ARHGEF3: variants seen among roughly 807,000 people sequenced by gnomAD.
ARHGEF3 encodes 59.8 kDA protein.
A neutral mutation model predicts 63.2 loss-of-function variants in ARHGEF3; 28 were observed. The ratio of observed to expected loss-of-function variants is 0.44; its 90% confidence interval spans 0.33 to 0.61. The LOEUF (loss-of-function observed/expected upper bound fraction) is 0.61. Among genes scored for constraint, ARHGEF3 ranks in the 20% least tolerant of loss-of-function variants. The pLI is 0.03. For synonymous variants in ARHGEF3, 266 were observed against 254.2 expected, an observed-to-expected ratio of 1.05 and a Z score of -0.44; for missense variants, 533 against 659.3, an observed-to-expected ratio of 0.81 and a Z score of 2.10.
At chr3:56,944,568 C>CTTTTTTTTTTT (rs1205155655) in intron 3 of ARHGEF3, among the ~76,000 whole-genome samples, 36 of 65,832 alleles carry the variant, frequency 5.5e-4, no homozygotes, top group East Asian at 1.9e-3. Flanking sequence ...AAAGTGGTTT[C>CTTTTTTTTTTT]TTTTTTTTTT....
chr3:57,019,489 C>T lies in ARHGEF3; in HGVS notation c.62+15599G>A, dbSNP rs116314084. Among the ~76,000 whole-genome samples the T allele has an allele frequency of 8.4e-3, 1,285 of 152,204 alleles. 12 individuals are homozygous for T. The highest frequency in any genetic ancestry group is 0.013 in the Non-Finnish European group (890 of 68,004). ...AAGGAGCTGGAATGGGGGCAGAGTG[C>T]TTGAACAAGTGCTACACCTGATCCC... On this transcript the variant is annotated intron_variant, in intron 2 of 12. Coordinates refer to the ARHGEF3 transcript ENST00000338458.
intron 4 of ARHGEF3, among the ~76,000 whole-genome samples, chr3:56,868,106 AC>A (rs2040316750): frequency 2.6e-5 from 4 of 152,132 alleles, no homozygotes; most frequent in Middle Eastern, 3.2e-3. Context: ...ACAGTACCCC[AC>A]AACCACTCTA....
At chr3:56,937,424 T>C (rs1253150052) in intron 3 of ARHGEF3, among the ~76,000 whole-genome samples, 1 of 152,216 alleles carries the variant, frequency 6.6e-6, no homozygotes, top group African/African-American at 2.4e-5. Context: ...TATCAACAAC[T>C]AGAGACAAAT....
chr3:56,965,388 C>G (rs866936891), intron 2 of ARHGEF3, among the ~76,000 whole-genome samples: 1 of 151,968 alleles, frequency 6.6e-6, no homozygotes, highest in South Asian at 2.1e-4. Context: ...AAATAGAAAG[C>G]CTGAATAGCC....
At chr3:56,814,768 CA>C (rs1372051009) in intron 4 of ARHGEF3, among the ~76,000 whole-genome samples, 1 of 151,582 alleles carries the variant, frequency 6.6e-6, no homozygotes, top group Non-Finnish European at 1.5e-5. Flanking sequence ...CTTATAATTT[CA>C]AAAAAGGATA....
intron 3 of ARHGEF3, among the ~76,000 whole-genome samples, chr3:56,915,035 GA>G (rs919258973): frequency 4.6e-5 from 7 of 151,478 alleles, no homozygotes; most frequent in South Asian, 2.1e-4. Flanking sequence ...AAAAAAAATT[GA>G]AAAAAAATTA....
chr3:56,814,257 C>G lies in ARHGEF3; in HGVS notation c.193-40441G>C, dbSNP rs191176498. Among the ~76,000 whole-genome samples, 79 of 152,302 alleles carry G rather than the reference C, an allele frequency of 5.2e-4. 1 individual carries two copies. Among genetic ancestry groups the G allele is most frequent in the Admixed American group, 5.2e-3 (79 of 15,298 alleles). On this transcript the variant is annotated intron_variant, in intron 4 of 12. Transcript: ENST00000338458. ...CAGGATGGCTTTGAATGTGGCCCAA[C>G]ATAAATTTGTAAACTTTCGTAAAAC... is the stretch of plus-strand genomic sequence containing the variant.
intron 4 of ARHGEF3, among the ~76,000 whole-genome samples, chr3:56,832,339 T>C (rs1485841672): frequency 5.9e-5 from 9 of 152,218 alleles, no homozygotes; most frequent in African/African-American, 1.9e-4. Flanking sequence ...AAAAAATATA[T>C]GTAAGTAGGG....
At chr3:56,843,820 T>C (rs867010929) in intron 4 of ARHGEF3, among the ~76,000 whole-genome samples, 2 of 152,204 alleles carry the variant, frequency 1.3e-5, no homozygotes, top group African/African-American at 2.4e-5. Context: ...TTCTGATTTC[T>C]AGAAAACTGC....
intron 2 of ARHGEF3, 55 bp from the exon 3 acceptor site, chr3:56,755,206 CT>C (rs2034998225): frequency 6.4e-7 from 1 of 1,566,960 alleles, no homozygotes; most frequent in East Asian, 2.2e-5. Flanking sequence ...CTGGGTGGAT[CT>C]TTGAGCAGTT....
chr3:56,961,845 C>A (rs1700294292), intron 2 of ARHGEF3, among the ~76,000 whole-genome samples: 1 of 152,098 alleles, frequency 6.6e-6, no homozygotes, highest in Non-Finnish European at 1.5e-5. Context: ...GAGTTCAAGA[C>A]CAGCCTGGGC....
intron 1 of ARHGEF3, among the ~76,000 whole-genome samples, chr3:57,064,919 A>G (rs1374247477): frequency 6.6e-6 from 1 of 152,242 alleles, no homozygotes; most frequent in Non-Finnish European, 1.5e-5. Context: ...TAGTCAACAC[A>G]GTAAATTTTA....
intron 1 of ARHGEF3, among the ~76,000 whole-genome samples, chr3:57,049,426 T>C (rs915247841): frequency 6.6e-6 from 1 of 152,202 alleles, no homozygotes; most frequent in Non-Finnish European, 1.5e-5. Flanking sequence ...CCCAGGTGAC[T>C]GGGCTGCTCT....
chr3:56,810,753 A>G (rs2038033916), intron 4 of ARHGEF3, among the ~76,000 whole-genome samples: 2 of 152,212 alleles, frequency 1.3e-5, no homozygotes, highest in South Asian at 4.1e-4. Flanking sequence ...CCTGCTGTGA[A>G]ATTGACTAAG....
At chr3:57,031,751 C>T (rs1168218001) in intron 2 of ARHGEF3, among the ~76,000 whole-genome samples, 2 of 146,398 alleles carry the variant, frequency 1.4e-5, no homozygotes, top group East Asian at 2.0e-4. Context: ...GGATGGATCA[C>T]GTGAGGCAGT....
chr3:57,035,152 A>G (rs568756857), exon 2 of ARHGEF3: 219 of 1,534,112 alleles, frequency 1.4e-4, no homozygotes, highest in Non-Finnish European at 1.8e-4. Flanking sequence ...CTGTCCATAG[A>G]CTCAGTATGG....
At chr3:56,745,077 C>G (rs1234047474) in intron 7 of ARHGEF3, 128 bp downstream of exon 7, 1 of 1,215,598 alleles carries the variant, frequency 8.2e-7, no homozygotes, top group Non-Finnish European at 1.1e-6. Context: ...GATGGCAGTG[C>G]CAGGCCTGGA....
intron 1 of ARHGEF3, among the ~76,000 whole-genome samples, chr3:56,791,978 C>T (rs1239175639): frequency 6.6e-6 from 1 of 151,706 alleles, no homozygotes. Context: ...CGGTGGCTCA[C>T]GCCTGTAATC....
At chr3:56,752,845 T>G (rs572459610) in intron 4 of ARHGEF3, among the ~76,000 whole-genome samples, 1 of 152,216 alleles carries the variant, frequency 6.6e-6, no homozygotes, top group Non-Finnish European at 1.5e-5. Flanking sequence ...AATTTCATCT[T>G]AGCAGAAAGA....
Sources: gnomAD v4.1 joint callset for allele counts (sites outside exome capture counted in the v4.1 genomes callset) on GRCh38, gnomAD v4.1.1 for gene constraint, MANE v1.5 for transcripts, NCBI Gene and HGNC (gene_info 2026-07-23, HGNC 2026-07-21) for gene names.